ADAMTS18: variants seen among roughly 807,000 people sequenced by gnomAD.
The protein encoded by ADAMTS18 is A disintegrin and metalloproteinase with thrombospondin motifs 18.
ADAMTS18 carries 157 observed loss-of-function variants against 165.9 expected under a neutral mutation model. That is an observed-to-expected ratio of 0.95 (90% CI 0.83 to 1.08). The LOEUF (loss-of-function observed/expected upper bound fraction) is 1.08, where lower values mean the gene tolerates loss of function less well. Among genes scored for constraint, ADAMTS18 ranks in the 50% least tolerant of loss-of-function variants. ADAMTS18 has a pLI of 0.00. For missense variants in ADAMTS18, 2,040 were observed against 1,534.0 expected (o/e 1.33, Z -5.51); for synonymous variants, 782 against 578.2 (o/e 1.35, Z -5.06).
intron 16 of ADAMTS18, among the ~76,000 whole-genome samples, chr16:77,313,802 T>C (rs759804144): frequency 2.4e-4 from 37 of 152,116 alleles, no homozygotes; most frequent in Non-Finnish European, 5.0e-4. Context: ...CTAAAACTGA[T>C]ACCTTCAAGC....
chr16:77,357,979 A>G (rs575752968), intron 8 of ADAMTS18, among the ~76,000 whole-genome samples: 5 of 152,318 alleles, frequency 3.3e-5, no homozygotes, highest in African/African-American at 9.6e-5. Flanking sequence ...TTTTTCAATG[A>G]CCAGTATTTT....
chr16:77,334,719 ATACTAC>A (rs2056266032), intron 12 of ADAMTS18, among the ~76,000 whole-genome samples: 1 of 89,710 alleles, frequency 1.1e-5, no homozygotes, highest in Non-Finnish European at 2.1e-5. Flanking sequence ...ATACTATAGT[ATACTAC>A]TATATACTAT....
intron 3 of ADAMTS18, among the ~76,000 whole-genome samples, chr16:77,414,700 A>C (rs1022336531): frequency 6.6e-6 from 1 of 152,228 alleles, no homozygotes; most frequent in Non-Finnish European, 1.5e-5. Context: ...TTTAAAAATA[A>C]AGATCTACTG....
At chr16:77,325,504 G>C (rs1267871101) in intron 13 of ADAMTS18, among the ~76,000 whole-genome samples, 1 of 151,748 alleles carries the variant, frequency 6.6e-6, no homozygotes, top group Admixed American at 6.6e-5. Context: ...GCCTCTATGG[G>C]GTATATATGG....
At position 77,282,925 on chromosome 16, in the gene ADAMTS18, T is replaced by TTTTTTTTTTC. The variant is rs4038556; in HGVS notation, c.*1030_*1031insGAAAAAAAAA. Reference sequence around the variant, plus strand: ...TTCTCTCTTTTTTTTTTTTTTTTTTTTGCTGTTAGCTCAATCCTAGGGCAA... The same window carrying TTTTTTTTTTC: ...TTCTCTCTTTTTTTTTTTTTTTTTTTTTTTTTTTTCTGCTGTTAGCTCAATCCTAGGGCAA... On this transcript the variant is annotated 3_prime_UTR_variant, in exon 23 of 23. Transcript: ENST00000282849. 3.2e-5 allele frequency: 4 copies of TTTTTTTTTTC among 125,476 alleles called. No homozygotes were observed. Among genetic ancestry groups the TTTTTTTTTTC allele is most frequent in the Non-Finnish European group, 7.1e-5 (4 of 56,650 alleles). 7.8% of individuals were successfully genotyped at this position (125,476 alleles called of 1,614,324 possible). A position where few individuals can be genotyped will look rare whatever the true frequency, so the allele number is the denominator to read the frequency against.
chr16:77,422,421 C>T (rs1049711387), intron 3 of ADAMTS18, among the ~76,000 whole-genome samples: 3 of 151,198 alleles, frequency 2.0e-5, no homozygotes, highest in South Asian at 4.2e-4. Context: ...AAGAGAAAGA[C>T]AACAGTGGTG....
At chr16:77,284,949 C>T (rs2055219692) in intron 22 of ADAMTS18, among the ~76,000 whole-genome samples, 1 of 151,090 alleles carries the variant, frequency 6.6e-6, no homozygotes, top group African/African-American at 2.5e-5. Flanking sequence ...GCCGGGTCTC[C>T]AACAGTCTGT....
intron 3 of ADAMTS18, among the ~76,000 whole-genome samples, chr16:77,406,345 G>A (rs1049699419): frequency 6.6e-6 from 1 of 152,078 alleles, no homozygotes; most frequent in East Asian, 1.9e-4. Flanking sequence ...CAATCTGATA[G>A]AGGGTATCTC....
chr16:77,297,415 C>T lies in ADAMTS18; in HGVS notation c.2675G>A (p.Gly892Asp). The T allele has an allele frequency of 1.2e-6, 2 of 1,611,044 alleles. No homozygotes were observed. Among genetic ancestry groups the T allele is most frequent in the Non-Finnish European group, 1.7e-6 (2 of 1,177,358 alleles). The change falls in exon 18 of 23, where the codon GGT becomes GAT. Residue 892 changes from glycine to aspartate, a missense_variant and splice_region_variant. By Grantham distance (94) the Gly-to-Asp change is moderately conservative (BLOSUM62 -1). Transcript: ENST00000282849. Reference protein sequence around the residue: ...QSECSVSCGGGYINVKAICLR... With the variant: ...QSECSVSCGGDYINVKAICLR... Reference sequence around the variant, plus strand: ...GCAAATGGCCTTTACATTTATGTAACCTGGTAAGACATCAGAAGTGACAAA... The same window carrying T: ...GCAAATGGCCTTTACATTTATGTAATCTGGTAAGACATCAGAAGTGACAAA...
Position 77,434,489 on chromosome 16 carries a change from C to T in ADAMTS18, c.107G>A (p.Cys36Tyr), listed in dbSNP as rs746341367. 5 of 1,566,186 alleles carry T rather than the reference C, an allele frequency of 3.2e-6. No individual in the cohort carries two copies. Among genetic ancestry groups the T allele is most frequent in the Non-Finnish European group, 4.3e-6 (5 of 1,160,212 alleles). The change falls in exon 2 of 23, where the codon TGC becomes TAC. Residue 36 changes from cysteine to tyrosine, a missense_variant. Transcript: ENST00000282849. ...GRVAKALQLC[C>Y]LCCASVAAAL... ...CGCGGCGACCGACGCACAGCAGAGG[C>T]AGCACAGCTGGAGCGCCTGCAAGAG...
intron 21 of ADAMTS18, among the ~76,000 whole-genome samples, chr16:77,289,894 GT>G (rs1387756534): frequency 6.6e-6 from 1 of 152,186 alleles, no homozygotes; most frequent in East Asian, 1.9e-4. Context: ...GCATGACAGA[GT>G]TGGTGCTTCT....
intron 3 of ADAMTS18, among the ~76,000 whole-genome samples, chr16:77,412,525 T>A (rs2057478474): frequency 6.6e-6 from 1 of 152,068 alleles, no homozygotes; most frequent in Admixed American, 6.5e-5. Context: ...AGATGGGGTG[T>A]ATTAGTCTGT....
rs760857160 is a variant in ADAMTS18, at chr16:77,422,169, T to C, written c.495+9126A>G. ...ACAGACCAATCCATAAATAAAAATA[T>C]GGTTTAGTCTTGTTTGGATACAGAG... On this transcript the variant is annotated intron_variant, in intron 3 of 22. Transcript: ENST00000282849. Among the ~76,000 whole-genome samples the C allele has an allele frequency of 3.3e-5, 5 of 152,108 alleles. No homozygotes were observed. In the South Asian group the frequency reaches 6.2e-4, roughly 19 times the overall value.
chr16:77,390,134 C>G (rs777426790), intron 3 of ADAMTS18, among the ~76,000 whole-genome samples: 3 of 151,956 alleles, frequency 2.0e-5, no homozygotes, highest in Non-Finnish European at 4.4e-5. Flanking sequence ...TGGATTAAAA[C>G]AAAGACAAAA....
At chr16:77,415,696 G>C (rs1323218985) in intron 3 of ADAMTS18, among the ~76,000 whole-genome samples, 1 of 138,804 alleles carries the variant, frequency 7.2e-6, no homozygotes, top group South Asian at 2.3e-4. Context: ...AACGTTATCA[G>C]ATGACTGGAG....
intron 16 of ADAMTS18, among the ~76,000 whole-genome samples, chr16:77,307,103 T>C (rs1028098444): frequency 6.6e-6 from 1 of 152,242 alleles, no homozygotes; most frequent in African/African-American, 2.4e-5. Flanking sequence ...GAATACTTGA[T>C]CTCCTCAATC....
chr16:77,417,877 TC>T (rs1426697002), intron 3 of ADAMTS18, among the ~76,000 whole-genome samples: 1 of 152,330 alleles, frequency 6.6e-6, no homozygotes, highest in Admixed American at 6.5e-5. Flanking sequence ...ATCCCTTATT[TC>T]ATTTTCAGAA....
intron 3 of ADAMTS18, among the ~76,000 whole-genome samples, chr16:77,376,648 T>C (rs192581944): frequency 1.9e-3 from 290 of 152,342 alleles, no homozygotes; most frequent in African/African-American, 6.7e-3. Flanking sequence ...AATTCCATTA[T>C]GTGACTTAGC....
intron 22 of ADAMTS18, among the ~76,000 whole-genome samples, chr16:77,287,162 C>G (rs2055269933): frequency 6.6e-6 from 1 of 152,176 alleles, no homozygotes; most frequent in Non-Finnish European, 1.5e-5. Flanking sequence ...GAAACTCTCA[C>G]AGTGCCTAGC....
Sources: gnomAD v4.1 joint callset for allele counts (sites outside exome capture counted in the v4.1 genomes callset) on GRCh38, gnomAD v4.1.1 for gene constraint, MANE v1.5 for transcripts, NCBI Gene and HGNC (gene_info 2026-07-23, HGNC 2026-07-21) for gene names.